The following WWOX variants were observed in gnomAD, a reference collection of about 807,000 sequenced individuals.
WWOX encodes the protein WW domain-containing oxidoreductase.
WWOX carries 69 observed loss-of-function variants against 46.2 expected under a neutral mutation model. The observed-to-expected ratio is 1.49, with a 90% CI of 1.23 to 1.82. The LOEUF is 1.82. Among genes scored for constraint, WWOX ranks in the 40% most tolerant of loss-of-function variants. The pLI is 0.00. For missense variants in WWOX, 919 were observed against 542.6 expected, an observed-to-expected ratio of 1.69 and a Z score of -6.89; for synonymous variants, 359 against 202.6, an observed-to-expected ratio of 1.77 and a Z score of -6.56.
chr16:78,233,885 A>AT (rs1945157709), intron 5 of WWOX, among the ~76,000 whole-genome samples: 1 of 152,122 alleles, frequency 6.6e-6, no homozygotes, highest in Non-Finnish European at 1.5e-5. Context: ...AAATATGCCA[A>AT]TATGTTCTTC....
At chr16:78,858,206 C>G (rs555536911) in intron 8 of WWOX, among the ~76,000 whole-genome samples, 1 of 141,476 alleles carries the variant, frequency 7.1e-6, no homozygotes, top group Admixed American at 7.1e-5. Context: ...GTTTTTATTT[C>G]AATCGTTTTA....
At chr16:78,901,467 A>C (rs781213121) in intron 8 of WWOX, among the ~76,000 whole-genome samples, 1 of 151,848 alleles carries the variant, frequency 6.6e-6, no homozygotes, top group Non-Finnish European at 1.5e-5. Context: ...CCTTCTTTTC[A>C]TAAGTAGCTG....
chr16:78,621,380 C>A (rs978569901), intron 8 of WWOX, among the ~76,000 whole-genome samples: 5 of 151,612 alleles, frequency 3.3e-5, no homozygotes, highest in Admixed American at 2.0e-4. Context: ...GCTGTCTTAC[C>A]TCCTCATCCT....
chr16:78,832,342 A>G (rs372635170), intron 8 of WWOX, among the ~76,000 whole-genome samples: 1 of 152,178 alleles, frequency 6.6e-6, no homozygotes, highest in Non-Finnish European at 1.5e-5. Context: ...TGTGAGGAAG[A>G]TGTGGCATGG....
At chr16:78,320,127 A>G (rs79124711) in intron 5 of WWOX, among the ~76,000 whole-genome samples, 1,866 of 152,286 alleles carry the variant, frequency 0.012, 13 homozygotes, top group Middle Eastern at 0.041. Context: ...GCTTTACTCA[A>G]TGTTTTCTCA....
At chr16:78,481,362 C>T (rs1205250254) in intron 8 of WWOX, among the ~76,000 whole-genome samples, 1 of 152,090 alleles carries the variant, frequency 6.6e-6, no homozygotes, top group Admixed American at 6.5e-5. Context: ...CTCTGTTTAT[C>T]CTCTGCCTAC....
intron 8 of WWOX, among the ~76,000 whole-genome samples, chr16:78,999,561 C>CA (rs2047054221): frequency 2.6e-5 from 4 of 152,162 alleles, no homozygotes; most frequent in Admixed American, 2.6e-4. Context: ...GATTCAGAGT[C>CA]AAAATGTTAT....
At chr16:79,153,929 C>T (rs1372693582) in intron 8 of WWOX, among the ~76,000 whole-genome samples, 1 of 151,344 alleles carries the variant, frequency 6.6e-6, no homozygotes, top group African/African-American at 2.5e-5. Context: ...TCAGGCCAGG[C>T]TGGACTGTCC....
chr16:78,640,674 C>T (rs1455486043), intron 8 of WWOX, among the ~76,000 whole-genome samples: 2 of 152,152 alleles, frequency 1.3e-5, no homozygotes, highest in Non-Finnish European at 2.9e-5. Flanking sequence ...CATGGTGGCT[C>T]ACGCCTGTAA....
At chr16:78,658,614 C>G (rs563339346) in intron 8 of WWOX, among the ~76,000 whole-genome samples, 7 of 152,262 alleles carry the variant, frequency 4.6e-5, no homozygotes, top group South Asian at 2.1e-4. Context: ...CCTTGACATT[C>G]GTCGGCTTGT....
chr16:78,337,361 G>A (rs1341999518), intron 5 of WWOX, among the ~76,000 whole-genome samples: 1 of 152,174 alleles, frequency 6.6e-6, no homozygotes, highest in East Asian at 1.9e-4. Flanking sequence ...GATCGCAATT[G>A]AGCATATAGT....
intron 8 of WWOX, among the ~76,000 whole-genome samples, chr16:78,650,986 T>G (rs1407829285): frequency 6.6e-6 from 1 of 152,274 alleles, no homozygotes; most frequent in Non-Finnish European, 1.5e-5. Flanking sequence ...GAGGGATTCG[T>G]AAGCTTAGGA....
At chr16:78,277,247 T>C (rs540075448) in intron 5 of WWOX, among the ~76,000 whole-genome samples, 2 of 152,206 alleles carry the variant, frequency 1.3e-5, no homozygotes, top group Non-Finnish European at 2.9e-5. Context: ...GCTCCGATTT[T>C]CTTGTTGAAT....
Position 78,313,919 on chromosome 16 carries a change from C to T in WWOX, c.517-72941C>T, listed in dbSNP as rs138749269. Among the ~76,000 whole-genome samples, 997 of 152,230 alleles carry T rather than the reference C, an allele frequency of 6.5e-3. 9 individuals are homozygous for T. The highest frequency in any genetic ancestry group is 0.025 in the South Asian group (122 of 4,814). On this transcript the variant is annotated intron_variant, in intron 5 of 8. Transcript: ENST00000566780. ...TGTCCAGTCTTAGAGTGATTTTTGT[C>T]CCCAGTGACACTTCCCTTATATCCG...
At chr16:79,116,239 C>T (rs2049513451) in intron 8 of WWOX, among the ~76,000 whole-genome samples, 1 of 152,150 alleles carries the variant, frequency 6.6e-6, no homozygotes, top group Non-Finnish European at 1.5e-5. Flanking sequence ...GTGGCAATTT[C>T]TTAAAATAAG....
chr16:78,215,722 G>A (rs542876742), intron 5 of WWOX, among the ~76,000 whole-genome samples: 1 of 152,212 alleles, frequency 6.6e-6, no homozygotes, highest in East Asian at 1.9e-4. Context: ...GAGGTCAAGA[G>A]TTTGAGACCA....
At chr16:78,554,365 C>T (rs1356245319) in intron 8 of WWOX, among the ~76,000 whole-genome samples, 1 of 152,154 alleles carries the variant, frequency 6.6e-6, no homozygotes, top group Admixed American at 6.5e-5. Context: ...AAAGCCATCA[C>T]CAAGGTCTGA....
intron 8 of WWOX, among the ~76,000 whole-genome samples, chr16:78,696,529 A>G (rs1446714025): frequency 6.6e-6 from 1 of 152,070 alleles, no homozygotes; most frequent in Non-Finnish European, 1.5e-5. Flanking sequence ...TCACAATGCT[A>G]GGCCACAGCA....
At position 79,211,984 on chromosome 16, in the gene WWOX, A is replaced by T; in HGVS notation, c.*188A>T. ...AAGCAGGGAATTCCTGGGGTAAAGT[A>T]TCACTTTTCTGGGGCTGGGCTAGGC... On this transcript the variant is annotated 3_prime_UTR_variant, in exon 9 of 9. Transcript: ENST00000566780. 6.5e-7 allele frequency: 1 copy of T among 1,536,182 alleles called. No individual in the cohort carries two copies. Among genetic ancestry groups the T allele is most frequent in the Non-Finnish European group, 8.7e-7 (1 of 1,146,878 alleles).
Sources: gnomAD v4.1 joint callset for allele counts (sites outside exome capture counted in the v4.1 genomes callset) on GRCh38, gnomAD v4.1.1 for gene constraint, MANE v1.5 for transcripts, NCBI Gene and HGNC (gene_info 2026-07-23, HGNC 2026-07-21) for gene names.